Variants in TESMIN observed in about 807,000 individuals in gnomAD.
TESMIN encodes testis expressed metallothionein like protein, also known as CXC domain containing 2.
A neutral mutation model predicts 47.4 loss-of-function variants in TESMIN; 34 were observed. That is an observed-to-expected ratio of 0.72 (90% CI 0.55 to 0.96). The LOEUF (loss-of-function observed/expected upper bound fraction) is 0.96, where lower values mean the gene tolerates loss of function less well. Among genes scored for constraint, TESMIN ranks in the 40% least tolerant of loss-of-function variants. TESMIN has a pLI of 0.00. For missense variants in TESMIN, 610 were observed against 637.2 expected, an observed-to-expected ratio of 0.96 and a Z score of 0.46; for synonymous variants, 278 against 258.9, an observed-to-expected ratio of 1.07 and a Z score of -0.71.
intron 9 of TESMIN, among the ~76,000 whole-genome samples, chr11:68,709,580 C>A (rs566287631): frequency 3.3e-5 from 5 of 152,158 alleles, no homozygotes; most frequent in African/African-American, 1.2e-4. Context: ...GGCGCTAAGT[C>A]GAAAAATTTT....
chr11:68,719,563 C>G (rs899941177), intron 6 of TESMIN, among the ~76,000 whole-genome samples: 1 of 152,058 alleles, frequency 6.6e-6, no homozygotes, highest in Non-Finnish European at 1.5e-5. Flanking sequence ...GTTATTTAGA[C>G]TTATGGAAGC....
Position 68,710,968 on chromosome 11 carries a change from T to C in TESMIN, c.1240A>G (p.Ser414Gly), listed in dbSNP as rs1159011536. 6.2e-7 allele frequency: 1 copy of C among 1,613,910 alleles called. No homozygotes were observed. The highest frequency in any genetic ancestry group is 1.3e-5 in the African/African-American group (1 of 74,916). ...EESPERKTLM[S>G]MPNYMQTGGL... ...CCAGTCTGCATGTAGTTTGGCATGC[T>C]CATTAGTGTCTTTCGTTCTGGGCTT... Residue 414 changes from serine to glycine, a missense_variant, in exon 9 of 10, where the codon AGC becomes GGC. Coordinates refer to ENST00000255087, the MANE Select transcript of TESMIN (RefSeq NM_004923.3).
At chr11:68,739,328 G>T (rs1946429575) in intron 5 of TESMIN, among the ~76,000 whole-genome samples, 1 of 152,104 alleles carries the variant, frequency 6.6e-6, no homozygotes, top group African/African-American at 2.4e-5. Flanking sequence ...CTTTCTTTAT[G>T]TTACTCATTA....
chr11:68,726,071 G>C (rs1946259693), intron 6 of TESMIN, among the ~76,000 whole-genome samples: 1 of 152,116 alleles, frequency 6.6e-6, no homozygotes, highest in South Asian at 2.1e-4. Context: ...ACACTTACAA[G>C]GACATGTGTG....
intron 5 of TESMIN, among the ~76,000 whole-genome samples, chr11:68,740,820 C>G (rs1018547560): frequency 6.6e-6 from 1 of 152,196 alleles, no homozygotes; most frequent in Non-Finnish European, 1.5e-5. Flanking sequence ...CTCATCCCTC[C>G]TGCCCAGCCC....
intron 6 of TESMIN, among the ~76,000 whole-genome samples, chr11:68,727,262 G>A (rs567273142): frequency 3.9e-5 from 6 of 152,204 alleles, no homozygotes; most frequent in African/African-American, 7.2e-5. Context: ...CCAACATGGC[G>A]AAAACCCATC....
At chr11:68,741,167 C>T (rs1946450931) in intron 5 of TESMIN, among the ~76,000 whole-genome samples, 1 of 152,108 alleles carries the variant, frequency 6.6e-6, no homozygotes, top group Non-Finnish European at 1.5e-5. Flanking sequence ...CTCCTTGACC[C>T]CTCCTCCCCA....
Position 68,747,294 on chromosome 11 carries a change from C to G in TESMIN, c.544G>C (p.Ala182Pro), listed in dbSNP as rs756831388. ...GGGAACTTGCAACAGGATTCCTGAGCAAGAAGATTCTGCAAAGTTGCTTCT... is the reference window on the plus strand; with the variant it reads ...GGGAACTTGCAACAGGATTCCTGAGGAAGAAGATTCTGCAAAGTTGCTTCT... Reference protein sequence around the residue: ...PEEATLQNLLAQESCCKFPSS... With the variant: ...PEEATLQNLLPQESCCKFPSS... The change falls in exon 3 of 10, where the codon GCT becomes CCT. Residue 182 changes from alanine to proline, a missense_variant. Physicochemically the swap from Ala to Pro is conservative, Grantham distance 27. Transcript: ENST00000255087. 6.2e-7 allele frequency: 1 copy of G among 1,614,046 alleles called. No homozygotes were observed. Among genetic ancestry groups the G allele is most frequent in the South Asian group, 1.1e-5 (1 of 91,082 alleles).
intron 6 of TESMIN, among the ~76,000 whole-genome samples, chr11:68,716,327 A>C (rs1946139165): frequency 6.6e-6 from 1 of 152,222 alleles, no homozygotes; most frequent in Non-Finnish European, 1.5e-5. Flanking sequence ...CAACTTCCCC[A>C]GTCCATCCAA....
At chr11:68,732,633 C>A in intron 6 of TESMIN, 1 of 152,984 alleles carries the variant, frequency 6.5e-6, no homozygotes, top group Non-Finnish European at 1.5e-5. Flanking sequence ...CACTGTCCTT[C>A]CTCCTCCTTA....
intron 5 of TESMIN, among the ~76,000 whole-genome samples, chr11:68,740,403 G>A (rs181133026): frequency 7.9e-5 from 12 of 152,282 alleles, no homozygotes; most frequent in Admixed American, 2.0e-4. Context: ...AAATGGGGAC[G>A]ATAATAAACA....
At chr11:68,719,762 T>C (rs114436877) in intron 6 of TESMIN, among the ~76,000 whole-genome samples, 356 of 152,144 alleles carry the variant, frequency 2.3e-3, no homozygotes, top group African/African-American at 8.1e-3. Flanking sequence ...ATAAAGAAAT[T>C]AGTCTAGATG....
chr11:68,737,164 C>T, intron 6 of TESMIN: 2 of 985,278 alleles, frequency 2.0e-6, no homozygotes, highest in Non-Finnish European at 2.4e-6. Context: ...TTTGTTTGGT[C>T]CAGAAATGTT....
intron 6 of TESMIN, among the ~76,000 whole-genome samples, chr11:68,734,365 AG>A (rs930589392): frequency 1.1e-4 from 16 of 152,354 alleles, no homozygotes; most frequent in African/African-American, 3.8e-4. Context: ...ATGTGAGGGC[AG>A]CTGCACATTA....
chr11:68,706,885 G>GC (rs1342572944), downstream of TESMIN, among the ~76,000 whole-genome samples: 20 of 152,232 alleles, frequency 1.3e-4, no homozygotes, highest in African/African-American at 3.4e-4. Flanking sequence ...GATGGAGGCA[G>GC]CCCCCCCAGA....
chr11:68,719,865 G>A (rs112365306), intron 6 of TESMIN, among the ~76,000 whole-genome samples: 10 of 152,300 alleles, frequency 6.6e-5, no homozygotes, highest in African/African-American at 2.4e-4. Context: ...TGAGCATTAC[G>A]GAAGGAGAGA....
At chr11:68,741,285 C>T (rs1210025260) in intron 5 of TESMIN, among the ~76,000 whole-genome samples, 1 of 152,180 alleles carries the variant, frequency 6.6e-6, no homozygotes, top group East Asian at 1.9e-4. Flanking sequence ...TCCTCGCTGC[C>T]ACCACAGCAG....
At chr11:68,740,962 T>C (rs555083174) in intron 5 of TESMIN, among the ~76,000 whole-genome samples, 42 of 152,266 alleles carry the variant, frequency 2.8e-4, no homozygotes, top group African/African-American at 9.6e-4. Flanking sequence ...ATCTCTCCAA[T>C]CATCCAGGCT....
At position 68,713,412 on chromosome 11, in the gene TESMIN, G is replaced by A. The variant is rs909612381; in HGVS notation, c.1021-5C>T. On this transcript the variant is annotated splice_region_variant and splice_polypyrimidine_tract_variant and intron_variant, in intron 7 of 9. Coordinates refer to ENST00000255087, the MANE Select transcript of TESMIN (RefSeq NM_004923.3). ...TGGATTTCTACCAAGACATGCCTAG[G>A]GTAGAATGGGAAGCTCCATCAGGAT... The A allele has an allele frequency of 1.7e-5, 28 of 1,613,620 alleles. No individual in the cohort carries two copies. Among genetic ancestry groups the A allele is most frequent in the Non-Finnish European group, 2.3e-5 (27 of 1,179,850 alleles).
Sources: gnomAD v4.1 joint callset for allele counts (sites outside exome capture counted in the v4.1 genomes callset) on GRCh38, gnomAD v4.1.1 for gene constraint, MANE v1.5 for transcripts, NCBI Gene and HGNC (gene_info 2026-07-23, HGNC 2026-07-21) for gene names.